The following VDAC3 variants were observed in gnomAD, a reference collection of about 807,000 sequenced individuals.
VDAC3 encodes the protein voltage dependent anion channel 3.
A neutral mutation model predicts 33.9 loss-of-function variants in VDAC3; 7 were observed. The observed-to-expected ratio is 0.21, with a 90% CI of 0.12 to 0.39. VDAC3 has a LOEUF of 0.39. Ranked by LOEUF, VDAC3 falls within the 10% of genes least tolerant of loss-of-function variation. The probability of loss-of-function intolerance (pLI) is 1.00; values close to 1 mark genes in which losing one functional copy is unlikely to be tolerated. For missense variants in VDAC3, 261 were observed against 334.5 expected (o/e 0.78, Z 1.71); for synonymous variants, 100 against 122.4 (o/e 0.82, Z 1.21).
chr8:42,398,457 G>A (rs1319634403), intron 4 of VDAC3, among the ~76,000 whole-genome samples: 2 of 152,076 alleles, frequency 1.3e-5, no homozygotes, highest in African/African-American at 2.4e-5. Flanking sequence ...TGAGCTCCTG[G>A]ACTCAAGGGA....
At chr8:42,400,025 T>C (rs1189840976) in intron 6 of VDAC3, among the ~76,000 whole-genome samples, 1 of 152,158 alleles carries the variant, frequency 6.6e-6, no homozygotes, top group Non-Finnish European at 1.5e-5. Context: ...TTGATGGACA[T>C]GGTATTCTGC....
chr8:42,401,257 C>T lies in VDAC3; in HGVS notation c.324-531C>T, dbSNP rs199617739. ...CTGTCGCCAGGCTGGAGTACAGTGG[C>T]ATGATCTTGGCTCACTGCAACCTCT... On this transcript the variant is annotated intron_variant, in intron 6 of 9. Transcript: ENST00000022615. Among the ~76,000 whole-genome samples, 9 of 152,138 alleles carry T rather than the reference C, an allele frequency of 5.9e-5. No homozygotes were observed. In the East Asian group the frequency reaches 1.7e-3, roughly 29 times the overall value.
At chr8:42,399,241 T>C (rs1802373559) in intron 5 of VDAC3, among the ~76,000 whole-genome samples, 1 of 152,214 alleles carries the variant, frequency 6.6e-6, no homozygotes, top group Non-Finnish European at 1.5e-5. Context: ...AAGTGCCCAC[T>C]ATGTACAGGG....
In VDAC3 at chr8:42,398,774, C is replaced by T; in HGVS notation, c.180C>T (p.Thr60=). 1.9e-6 allele frequency: 3 copies of T among 1,613,884 alleles called. No individual in the cohort carries two copies. Among genetic ancestry groups the T allele is most frequent in the Non-Finnish European group, 2.5e-6 (3 of 1,179,960 alleles). Residue 60 remains threonine (T), a synonymous_variant, in exon 5 of 10, where the codon ACC becomes ACT. Transcript: ENST00000022615. The part of the protein sequence containing the change: ...DTGKASGNLE[T]KYKVCNYGLT... ...GGAAAGCATCAGGCAACCTAGAAAC[C>T]AAATATAAGGTCTGTAACTATGGAC...
At chr8:42,404,055 T>G (rs1005946544) in intron 8 of VDAC3, among the ~76,000 whole-genome samples, 2 of 152,148 alleles carry the variant, frequency 1.3e-5, no homozygotes, top group African/African-American at 4.8e-5. Flanking sequence ...TAACTCTTAC[T>G]AAAAATAACA....
chr8:42,395,907 C>G (rs186575160), intron 4 of VDAC3, among the ~76,000 whole-genome samples: 5 of 146,410 alleles, frequency 3.4e-5, no homozygotes, highest in Non-Finnish European at 7.5e-5. Context: ...TTCAGTGAGC[C>G]GAGACCAAGC....
intron 5 of VDAC3, 98 bp downstream of exon 5, chr8:42,398,962 T>A: frequency 7.3e-7 from 1 of 1,379,262 alleles, no homozygotes; most frequent in Non-Finnish European, 9.8e-7. Flanking sequence ...TCTTACAACC[T>A]ATCTAGTAGC....
At chr8:42,403,779 G>A (rs1193328208) in intron 8 of VDAC3, among the ~76,000 whole-genome samples, 1 of 152,014 alleles carries the variant, frequency 6.6e-6, no homozygotes, top group Admixed American at 6.6e-5. Flanking sequence ...GGGAGGCTGA[G>A]GCAGGAGAAT....
chr8:42,403,381 C>G lies in VDAC3; in HGVS notation c.622C>G (p.Leu208Val). The G allele has an allele frequency of 6.2e-7, 1 of 1,613,250 alleles. No individual in the cohort carries two copies. Among genetic ancestry groups the G allele is most frequent in the Non-Finnish European group, 8.5e-7 (1 of 1,179,764 alleles). ...VNEKIETSINLAWTAGSNNTR... is the reference protein window; with the variant it reads ...VNEKIETSINVAWTAGSNNTR... ...TGAGAAGATTGAAACATCCATAAAC[C>G]TTGCTTGGACAGCTGGGAGTAACAA... Residue 208 changes from leucine (L) to valine (V), a missense_variant, in exon 8 of 10, where the codon CTT (leucine) becomes GTT (valine). Transcript: ENST00000022615.
At position 42,403,314 on chromosome 8, in the gene VDAC3, C is replaced by T. The variant is rs370290539; in HGVS notation, c.555C>T (p.Asn185=). 2.5e-5 allele frequency: 41 copies of T among 1,613,716 alleles called. No individual in the cohort carries two copies. The African/African-American group carries it at 3.1e-4, about 12-fold the overall frequency. The change falls in exon 8 of 10, where the codon AAC becomes AAT. Residue 185 remains asparagine, a synonymous_variant. Transcript: ENST00000022615. ...AADFQLHTHV[N]DGTEFGGSIY... is the part of the protein sequence containing the mutation. ...GTTTTCTTATCTATGAAAACAGGAACGATGGCACTGAATTTGGAGGTTCTA... is the reference window on the plus strand; with the variant it reads ...GTTTTCTTATCTATGAAAACAGGAATGATGGCACTGAATTTGGAGGTTCTA...
At chr8:42,397,697 A>G (rs969884546) in intron 4 of VDAC3, 7 of 152,186 alleles carry the variant, frequency 4.6e-5, no homozygotes, top group African/African-American at 1.7e-4. Flanking sequence ...ATTCATAGTA[A>G]CTGTTTGATA....
At chr8:42,402,968 C>G (rs1392140977) in intron 7 of VDAC3, 1 of 209,810 alleles carries the variant, frequency 4.8e-6, no homozygotes. Context: ...TTATTGAACT[C>G]TACTTTGAAG....
intron 1 of VDAC3, among the ~76,000 whole-genome samples, chr8:42,392,889 A>G (rs1824894576): frequency 6.6e-6 from 1 of 152,262 alleles, no homozygotes; most frequent in South Asian, 2.1e-4. Context: ...AGTTGTAATC[A>G]TAAAGAGTAA....
At chr8:42,398,168 C>G (rs1235939465) in intron 4 of VDAC3, among the ~76,000 whole-genome samples, 1 of 152,114 alleles carries the variant, frequency 6.6e-6, no homozygotes. Flanking sequence ...AGTAAAGATA[C>G]TTCTTTTTTA....
chr8:42,397,996 A>G (rs1165921967), intron 4 of VDAC3, among the ~76,000 whole-genome samples: 1 of 152,228 alleles, frequency 6.6e-6, no homozygotes, highest in African/African-American at 2.4e-5. Context: ...TGTTGACCCT[A>G]TTAAAAAGGA....
chr8:42,398,838 G>A lies in VDAC3; in HGVS notation c.244G>A (p.Gly82Arg). The A allele has an allele frequency of 1.2e-6, 2 of 1,613,812 alleles. No individual in the cohort carries two copies. Among genetic ancestry groups the A allele is most frequent in the Non-Finnish European group, 1.7e-6 (2 of 1,179,948 alleles). Residue 82 changes from glycine (G) to arginine (R), a missense_variant, in exon 5 of 10, where the codon GGG becomes AGG. Coordinates refer to ENST00000022615, the MANE Select transcript of VDAC3 (RefSeq NM_005662.7). The part of the protein sequence containing the change: ...TQKWNTDNTL[G>R]TEISWENKLA... ...GAAATGGAACACAGACAATACTCTA[G>A]GGACAGAAATCTCTTGGGAGAATAA...
In VDAC3 at chr8:42,398,971, G is replaced by C. The variant is rs879126714; in HGVS notation, c.270+107G>C. 8.2e-6 allele frequency: 11 copies of C among 1,342,770 alleles called. No individual in the cohort carries two copies. The South Asian group carries it at 1.7e-4, about 21-fold the overall frequency. 83.2% of individuals were successfully genotyped at this position (1,342,770 alleles called of 1,614,324 possible). A position where few individuals can be genotyped will look rare whatever the true frequency, so the allele number is the denominator to read the frequency against. ...AAGAGATCTTACAACCTATCTAGTA[G>C]CCATATTTTTTCTCTGCATGTGGCC... is the stretch of plus-strand genomic sequence containing the variant. On this transcript the variant is annotated intron_variant, in intron 5 of 9. Transcript: ENST00000022615.
intron 1 of VDAC3, among the ~76,000 whole-genome samples, chr8:42,392,991 A>G (rs1824896408): frequency 6.6e-6 from 1 of 152,246 alleles, no homozygotes; most frequent in Non-Finnish European, 1.5e-5. Flanking sequence ...CTGTAAGTGA[A>G]TTATGAAACC....
intron 5 of VDAC3, 186 bp from the exon 6 acceptor site, chr8:42,399,465 C>T (rs1802376921): frequency 4.4e-6 from 2 of 455,896 alleles, no homozygotes; most frequent in South Asian, 3.2e-5. Flanking sequence ...GTGGGAGAAC[C>T]ATGATGAAGG....
Sources: gnomAD v4.1 joint callset for allele counts (sites outside exome capture counted in the v4.1 genomes callset) on GRCh38, gnomAD v4.1.1 for gene constraint, MANE v1.5 for transcripts, NCBI Gene and HGNC (gene_info 2026-07-23, HGNC 2026-07-21) for gene names.